ANKRD17: variants seen among roughly 807,000 people sequenced by gnomAD.
ANKRD17 encodes ankyrin repeat domain 17.
Under a neutral mutation model 229.7 loss-of-function variants are expected in ANKRD17, and 19 were observed. The ratio of observed to expected loss-of-function variants is 0.08; its 90% confidence interval spans 0.06 to 0.12. The LOEUF is 0.12. ANKRD17 is among the 10% of genes least tolerant of loss of function. The pLI is 1.00. For synonymous variants in ANKRD17, 1,112 were observed against 1,146.1 expected, an observed-to-expected ratio of 0.97 and a Z score of 0.60; for missense variants, 2,176 against 3,176.8, an observed-to-expected ratio of 0.68 and a Z score of 7.57.
Position 73,140,981 on chromosome 4 carries a change from A to G in ANKRD17, c.2333-698T>C, listed in dbSNP as rs77652053. On this transcript the variant is annotated intron_variant, in intron 14 of 33. Coordinates refer to ENST00000358602, the MANE Select transcript of ANKRD17 (RefSeq NM_032217.5). Reference sequence around the variant, plus strand: ...CAGGTGAACAGACAGATCTGGCTATAGGTATAGCAATCAATTGTTTGCTAT... The same window carrying G: ...CAGGTGAACAGACAGATCTGGCTATGGGTATAGCAATCAATTGTTTGCTAT... Among the ~76,000 whole-genome samples, 1,210 of 152,328 alleles carry G rather than the reference A, an allele frequency of 7.9e-3. 21 individuals carry two copies. Among genetic ancestry groups the G allele is most frequent in the African/African-American group, 0.027 (1,133 of 41,568 alleles).
At chr4:73,255,477 A>G (rs1382915737) in intron 1 of ANKRD17, among the ~76,000 whole-genome samples, 1 of 152,190 alleles carries the variant, frequency 6.6e-6, no homozygotes, top group Non-Finnish European at 1.5e-5. Flanking sequence ...TGTGTAGCCT[A>G]TAACAGAATG....
chr4:73,078,616 C>T (rs755812581), intron 31 of ANKRD17, 26 bp downstream of exon 31: 1 of 1,599,934 alleles, frequency 6.3e-7, no homozygotes, highest in South Asian at 1.1e-5. Flanking sequence ...AAGTTAATTT[C>T]TAGAGAGCAG....
At chr4:73,108,359 G>A (rs1038206624) in intron 24 of ANKRD17, among the ~76,000 whole-genome samples, 1 of 152,170 alleles carries the variant, frequency 6.6e-6, no homozygotes, top group Non-Finnish European at 1.5e-5. Context: ...AAAGAAGTCT[G>A]GGCTAGAGAT....
chr4:73,196,250 G>A (rs867272796), intron 1 of ANKRD17, among the ~76,000 whole-genome samples: 6 of 152,004 alleles, frequency 3.9e-5, no homozygotes, highest in South Asian at 4.1e-4. Flanking sequence ...TGCCCACCTC[G>A]GCCTCCCGAA....
chr4:73,167,321 G>C (rs1353731295), intron 2 of ANKRD17, among the ~76,000 whole-genome samples: 1 of 151,998 alleles, frequency 6.6e-6, no homozygotes, highest in Non-Finnish European at 1.5e-5. Flanking sequence ...AAGAAAGAAA[G>C]GGAAGTAGGG....
chr4:73,154,394 C>T (rs1560608843), intron 5 of ANKRD17, among the ~76,000 whole-genome samples: 1 of 152,088 alleles, frequency 6.6e-6, no homozygotes, highest in Non-Finnish European at 1.5e-5. Flanking sequence ...TGTAAAAGAA[C>T]TGGGCAACTC....
At chr4:73,157,502 C>T (rs969923125) in intron 3 of ANKRD17, among the ~76,000 whole-genome samples, 3 of 152,134 alleles carry the variant, frequency 2.0e-5, no homozygotes, top group Admixed American at 6.5e-5. Flanking sequence ...TTCTCACTTT[C>T]GTATAAAATA....
intron 1 of ANKRD17, among the ~76,000 whole-genome samples, chr4:73,212,022 A>G (rs759008819): frequency 5.4e-4 from 82 of 152,262 alleles, no homozygotes; most frequent in Non-Finnish European, 8.5e-4. Flanking sequence ...CAACCTACTG[A>G]TCACCTGGAT....
chr4:73,082,583 C>T (rs984110725), intron 30 of ANKRD17, among the ~76,000 whole-genome samples: 4 of 152,172 alleles, frequency 2.6e-5, no homozygotes, highest in African/African-American at 4.8e-5. Flanking sequence ...AGTGCTCCTA[C>T]AGTAAAATTA....
chr4:73,245,174 T>G (rs768803831), intron 1 of ANKRD17, among the ~76,000 whole-genome samples: 18 of 152,110 alleles, frequency 1.2e-4, no homozygotes, highest in Non-Finnish European at 2.1e-4. Context: ...TGTCAGGTAG[T>G]AGCAAAGATC....
chr4:73,118,541 A>T, intron 22 of ANKRD17, 147 bp downstream of exon 22: 3 of 866,136 alleles, frequency 3.5e-6, no homozygotes, highest in Non-Finnish European at 5.3e-6. Flanking sequence ...ATCTACATTT[A>T]ATGTTGCCAT....
At chr4:73,102,086 G>T (rs534505659) in intron 25 of ANKRD17, among the ~76,000 whole-genome samples, 2 of 151,872 alleles carry the variant, frequency 1.3e-5, no homozygotes, top group African/African-American at 4.8e-5. Context: ...AGCTAGCTGG[G>T]ACTACAGGAG....
intron 15 of ANKRD17, among the ~76,000 whole-genome samples, chr4:73,138,494 C>T (rs1302988948): frequency 6.6e-6 from 1 of 151,802 alleles, no homozygotes; most frequent in Non-Finnish European, 1.5e-5. Context: ...TCCTATTATC[C>T]ATTTAAAAGA....
At chr4:73,182,908 C>T (rs556023582) in intron 1 of ANKRD17, among the ~76,000 whole-genome samples, 1 of 152,294 alleles carries the variant, frequency 6.6e-6, no homozygotes, top group South Asian at 2.1e-4. Context: ...TAGCAACACT[C>T]CTTCAGGTTG....
intron 2 of ANKRD17, among the ~76,000 whole-genome samples, chr4:73,170,390 A>G (rs1321743072): frequency 1.3e-5 from 2 of 151,962 alleles, no homozygotes; most frequent in African/African-American, 4.8e-5. Context: ...CCTACTGACT[A>G]AAGAGCCCTT....
intron 24 of ANKRD17, among the ~76,000 whole-genome samples, chr4:73,103,828 G>GTTT (rs33952344): frequency 1.4e-5 from 2 of 146,420 alleles, no homozygotes; most frequent in Non-Finnish European, 1.5e-5. Context: ...ACCCTCTCCG[G>GTTT]TTTTTTTTTT....
At chr4:73,118,956 GGCTC>G in intron 21 of ANKRD17, 106 bp from the exon 22 acceptor site, 1 of 1,186,884 alleles carries the variant, frequency 8.4e-7, no homozygotes, top group Non-Finnish European at 1.2e-6. Flanking sequence ...GTGAGATCAT[GGCTC>G]ACTGCAGCCT....
chr4:73,132,522 C>T (rs1390934259), intron 16 of ANKRD17, among the ~76,000 whole-genome samples: 2 of 152,064 alleles, frequency 1.3e-5, no homozygotes, highest in African/African-American at 2.4e-5. Flanking sequence ...TCTAACTAAA[C>T]ACATATGGTA....
intron 9 of ANKRD17, 39 bp from the exon 10 acceptor site, chr4:73,146,912 G>A (rs1730357488): frequency 1.3e-6 from 2 of 1,512,910 alleles, no homozygotes; most frequent in Admixed American, 3.5e-5. Flanking sequence ...CTTAATAAAG[G>A]AGCCATAAGA....
Sources: gnomAD v4.1 joint callset for allele counts (sites outside exome capture counted in the v4.1 genomes callset) on GRCh38, gnomAD v4.1.1 for gene constraint, MANE v1.5 for transcripts, NCBI Gene and HGNC (gene_info 2026-07-23, HGNC 2026-07-21) for gene names.